The following HECTD2 variants were observed in gnomAD, a reference collection of about 807,000 sequenced individuals.
The protein encoded by HECTD2 is HECT domain E3 ubiquitin protein ligase 2.
A neutral mutation model predicts 103.2 loss-of-function variants in HECTD2; 35 were observed. The observed-to-expected ratio is 0.34, with a 90% CI of 0.26 to 0.45. The LOEUF (loss-of-function observed/expected upper bound fraction) is 0.45, where lower values mean the gene tolerates loss of function less well. HECTD2 is among the 20% of genes least tolerant of loss of function. HECTD2 has a pLI of 1.00. For missense variants in HECTD2, 596 were observed against 937.4 expected, an observed-to-expected ratio of 0.64 and a Z score of 4.76; for synonymous variants, 281 against 329.9, an observed-to-expected ratio of 0.85 and a Z score of 1.61.
chr10:91,456,207 G>T (rs1185499035), intron 2 of HECTD2, among the ~76,000 whole-genome samples: 2 of 152,164 alleles, frequency 1.3e-5, no homozygotes, highest in Non-Finnish European at 2.9e-5. Context: ...CTATCCATGA[G>T]CATGGAATGT....
rs147689382 is a variant in HECTD2, at chr10:91,469,487, T to G, written c.600+7303T>G. On this transcript the variant is annotated intron_variant, in intron 5 of 20. Transcript: ENST00000298068. ...CAAAAAGATATTCCAACCAAGAATT[T>G]CATATACAGCCAAACAAAGCTTCAT... Among the ~76,000 whole-genome samples the G allele has an allele frequency of 5.9e-5, 9 of 152,342 alleles. No homozygotes were observed. The East Asian group carries it at 1.7e-3, about 29-fold the overall frequency.
chr10:91,489,662 G>A (rs1373012541), intron 11 of HECTD2: 3 of 152,102 alleles, frequency 2.0e-5, no homozygotes, highest in South Asian at 4.1e-4. Context: ...AGGAAAAAAC[G>A]GTCTGTAACA....
Position 91,470,633 on chromosome 10 carries a change from A to G in HECTD2, c.601-7568A>G, listed in dbSNP as rs192402717. 4.0e-3 allele frequency among the ~76,000 whole-genome samples: 613 copies of G among 152,258 alleles called. 1 individual carries two copies. Among genetic ancestry groups the G allele is most frequent in the Non-Finnish European group, 7.6e-3 (518 of 67,992 alleles). On this transcript the variant is annotated intron_variant, in intron 5 of 20. Coordinates refer to ENST00000298068, the MANE Select transcript of HECTD2 (RefSeq NM_182765.6). ...ACATAATATCACACCTAGAAAATCT[A>G]CAGAAACAAGCACAAACTAACCCCA...
chr10:91,498,127 G>T lies in HECTD2; in HGVS notation c.1700G>T (p.Ser567Ile). The T allele has an allele frequency of 6.2e-7, 1 of 1,611,626 alleles. No homozygotes were observed. Among genetic ancestry groups the T allele is most frequent in the Non-Finnish European group, 8.5e-7 (1 of 1,177,932 alleles). ...QIMPELAHGL[S>I]ELLSHEGNVE... ...TTATAGGAGTTGGCCCATGGATTAA[G>T]TGAACTCTTATCACATGAAGGCAAT... The change falls in exon 16 of 21, where the codon AGT becomes ATT. Residue 567 changes from serine (S) to isoleucine (I), a missense_variant. Transcript: ENST00000298068.
At chr10:91,501,464 A>G (rs113105866) in intron 20 of HECTD2, 130 bp downstream of exon 20, 3 of 545,804 alleles carry the variant, frequency 5.5e-6, no homozygotes, top group Admixed American at 7.7e-5. Context: ...CAGAGTAAAC[A>G]TGGCCTTGAA....
chr10:91,477,315 C>G (rs1262278729), intron 5 of HECTD2, among the ~76,000 whole-genome samples: 3 of 152,100 alleles, frequency 2.0e-5, no homozygotes, highest in Non-Finnish European at 2.9e-5. Context: ...ATATAGTTGT[C>G]TTGAAGTGTA....
At chr10:91,496,965 C>CT (rs200052503) in intron 15 of HECTD2, among the ~76,000 whole-genome samples, 15,288 of 141,926 alleles carry the variant, frequency 0.11, 1,552 homozygotes, top group African/African-American at 0.26. Context: ...GAAAATCTTT[C>CT]TTTTTTTTTT....
chr10:91,468,957 A>C (rs997235181), intron 5 of HECTD2, among the ~76,000 whole-genome samples: 1 of 151,222 alleles, frequency 6.6e-6, no homozygotes, highest in Non-Finnish European at 1.5e-5. Flanking sequence ...AAAAAAAAAA[A>C]CAAGAGTACA....
At position 91,487,516 on chromosome 10, in the gene HECTD2, CTG is replaced by C. The variant is rs1273340911; in HGVS notation, c.1095-163_1095-162del. 1 of 670,646 alleles carries C rather than the reference CTG, an allele frequency of 1.5e-6. No homozygotes were observed. The highest frequency in any genetic ancestry group is 1.8e-5 in the African/African-American group (1 of 55,910). The allele number at this position is 670,646 out of a possible 1,614,324, so 41.5% of individuals were successfully genotyped here. On this transcript the variant is annotated intron_variant, in intron 10 of 20. Transcript: ENST00000298068. This position sits in a 1 kb window ranked among gnomAD's most constrained non-coding sequence, Gnocchi z 4.1. ...TAGTAATGATACATTCTTCACATGG[CTG>C]TGAGAATTAAAAGAAATTATACACA...
intron 20 of HECTD2, among the ~76,000 whole-genome samples, chr10:91,506,246 TAGC>T (rs1254525921): frequency 6.6e-6 from 1 of 151,218 alleles, no homozygotes; most frequent in African/African-American, 2.4e-5. Flanking sequence ...ATTCAAAAGC[TAGC>T]AGAAGGCAAG....
At chr10:91,485,575 A>G in intron 10 of HECTD2, 1 of 285,480 alleles carries the variant, frequency 3.5e-6, no homozygotes, top group South Asian at 5.0e-5. Flanking sequence ...CTTATCTCTT[A>G]CTATTCTATG....
chr10:91,503,763 G>A (rs1423758854), intron 20 of HECTD2, among the ~76,000 whole-genome samples: 1 of 152,208 alleles, frequency 6.6e-6, no homozygotes, highest in Non-Finnish European at 1.5e-5. Flanking sequence ...CTCGAACTGG[G>A]TGGAACCCAC....
intron 2 of HECTD2, among the ~76,000 whole-genome samples, chr10:91,437,113 C>T (rs1195119374): frequency 6.6e-6 from 1 of 152,018 alleles, no homozygotes; most frequent in Non-Finnish European, 1.5e-5. Context: ...TAATAATAAA[C>T]CTCCCCTAAA....
chr10:91,498,245 G>T, intron 16 of HECTD2, 63 bp downstream of exon 16: 1 of 1,075,844 alleles, frequency 9.3e-7, no homozygotes, highest in Non-Finnish European at 1.4e-6. Flanking sequence ...AGTGCAATTT[G>T]TTATTAAATA....
At chr10:91,499,219 A>T in intron 18 of HECTD2, 69 bp downstream of exon 18, 2 of 829,246 alleles carry the variant, frequency 2.4e-6, no homozygotes, top group Non-Finnish European at 3.8e-6. Context: ...CAAATAATTA[A>T]TAAATATTTT....
At chr10:91,436,047 A>G (rs902209581) in intron 2 of HECTD2, among the ~76,000 whole-genome samples, 5 of 151,690 alleles carry the variant, frequency 3.3e-5, no homozygotes, top group African/African-American at 1.2e-4. Flanking sequence ...CTTTTATTTC[A>G]TGGTTATACT....
chr10:91,480,353 A>C (rs1035942060), intron 6 of HECTD2, among the ~76,000 whole-genome samples: 2 of 151,988 alleles, frequency 1.3e-5, no homozygotes, highest in Middle Eastern at 3.2e-3. Flanking sequence ...GCAAGAAAGA[A>C]ACACTTGTCA....
At chr10:91,510,029 A>T (rs1307802530) in intron 20 of HECTD2, among the ~76,000 whole-genome samples, 1 of 152,210 alleles carries the variant, frequency 6.6e-6, no homozygotes, top group Non-Finnish European at 1.5e-5. Context: ...GAATAGTATC[A>T]GTGAAAAGGG....
chr10:91,475,943 C>G (rs1411072194), intron 5 of HECTD2, among the ~76,000 whole-genome samples: 1 of 152,178 alleles, frequency 6.6e-6, no homozygotes, highest in Admixed American at 6.5e-5. Flanking sequence ...GGAACAAATA[C>G]CCCAACTTCA....
Sources: gnomAD v4.1 joint callset for allele counts (sites outside exome capture counted in the v4.1 genomes callset) on GRCh38, gnomAD v4.1.1 for gene constraint, Gnocchi (gnomAD v3.1) non-coding constraint, MANE v1.5 for transcripts, NCBI Gene and HGNC (gene_info 2026-07-23, HGNC 2026-07-21) for gene names.